NEURL1B: variants seen among roughly 807,000 people sequenced by gnomAD.
The protein encoded by NEURL1B is neuralized E3 ubiquitin protein ligase 1B, also known as E3 ubiquitin-protein ligase NEURL1B.
NEURL1B carries 13 observed loss-of-function variants against 37.4 expected under a neutral mutation model. The observed-to-expected ratio is 0.35, with a 90% confidence interval of 0.23 to 0.55. The LOEUF is 0.55. Ranked by LOEUF, NEURL1B falls within the 20% of genes least tolerant of loss-of-function variation. The probability of loss-of-function intolerance (pLI) is 0.89; values close to 1 mark genes in which losing one functional copy is unlikely to be tolerated. For synonymous variants in NEURL1B, 432 were observed against 426.6 expected, an observed-to-expected ratio of 1.01 and a Z score of -0.16; for missense variants, 790 against 879.2, an observed-to-expected ratio of 0.90 and a Z score of 1.28.
intron 3 of NEURL1B, among the ~76,000 whole-genome samples, chr5:172,684,962 G>T (rs1447797568): frequency 6.6e-6 from 1 of 152,228 alleles, no homozygotes; most frequent in African/African-American, 2.4e-5. Context: ...CAGCTCATAT[G>T]TTCCCTCATT....
intron 1 of NEURL1B, among the ~76,000 whole-genome samples, chr5:172,655,913 C>T (rs1056087587): frequency 3.3e-5 from 5 of 152,064 alleles, no homozygotes; most frequent in East Asian, 3.9e-4. Context: ...TATAAAGTTT[C>T]GGTGCCGCAA....
Position 172,683,620 on chromosome 5 carries a change from C to G in NEURL1B, c.779C>G (p.Pro260Arg), listed in dbSNP as rs1298957617. The G allele has an allele frequency of 1.7e-4, 211 of 1,214,098 alleles. No homozygotes were observed. The highest frequency in any genetic ancestry group is 2.1e-4 in the Non-Finnish European group (202 of 974,814). The allele number at this position is 1,214,098 out of a possible 1,614,324, so 75.2% of individuals were successfully genotyped here. A position where few individuals can be genotyped will look rare whatever the true frequency, so the allele number is the denominator to read the frequency against. ...GCCGACGCCGCGGCCGCCGCCATTC[C>G]GTGCGGGCCCCGTGAGCGCCCGCGG... ...PPADAAAAAI[P>R]CGPRERPRPA... Residue 260 changes from proline to arginine, a missense_variant, in exon 3 of 5, where the codon CCG becomes CGG. Coordinates refer to ENST00000369800, the MANE Select transcript of NEURL1B (RefSeq NM_001142651.3). The surrounding 1 kb of genome is among the most constrained non-coding windows in gnomAD (Gnocchi z 5.6).
At position 172,684,129 on chromosome 5, in the gene NEURL1B, C is replaced by T. The variant is rs942385195; in HGVS notation, c.1288C>T (p.Arg430Cys). The change falls in exon 3 of 5, where the codon CGT becomes TGT. Residue 430 changes from arginine (R) to cysteine (C), a missense_variant. This residue lies in a region of NEURL1B where 460 missense variants were observed against 407.4 expected (regional missense o/e 1.13). Coordinates refer to ENST00000369800, the MANE Select transcript of NEURL1B (RefSeq NM_001142651.3). ...GCGCGGCGGCGTCGCGGGCCAGCTGCGTCTCCTCGGTGAGTCCCCGGCCCC... is the reference window on the plus strand; with the variant it reads ...GCGCGGCGGCGTCGCGGGCCAGCTGTGTCTCCTCGGTGAGTCCCCGGCCCC... Reference protein sequence around the residue: ...AVRGGVAGQLRLLGTLQSSPA... With the variant: ...AVRGGVAGQLCLLGTLQSSPA... The T allele has an allele frequency of 7.4e-5, 92 of 1,251,400 alleles. No homozygotes were observed. The highest frequency in any genetic ancestry group is 8.8e-5 in the Non-Finnish European group (88 of 997,534). The allele number at this position is 1,251,400 out of a possible 1,614,324, so 77.5% of individuals were successfully genotyped here.
chr5:172,683,785 G>A lies in NEURL1B; in HGVS notation c.944G>A (p.Arg315His). 7.7e-7 allele frequency: 1 copy of A among 1,296,756 alleles called. No homozygotes were observed. The allele number at this position is 1,296,756 out of a possible 1,614,324, so 80.3% of individuals were successfully genotyped here. Residue 315 changes from arginine (R) to histidine (H), a missense_variant, in exon 3 of 5, where the codon CGC (arginine) becomes CAC (histidine). Coordinates refer to ENST00000369800, the MANE Select transcript of NEURL1B (RefSeq NM_001142651.3). This position sits in a 1 kb window ranked among gnomAD's most constrained non-coding sequence, Gnocchi z 5.6. ...DGGRTLVFSE[R>H]PLRPGESLFV... ...GGCCGCACGCTGGTCTTCTCCGAGC[G>A]CCCGCTGCGGCCCGGCGAGAGCCTC...
chr5:172,645,152 T>C (rs1461756446), intron 1 of NEURL1B, among the ~76,000 whole-genome samples: 1 of 152,160 alleles, frequency 6.6e-6, no homozygotes, highest in African/African-American at 2.4e-5. Context: ...ACCCACAGTA[T>C]CTATTTGAAA....
intron 1 of NEURL1B, among the ~76,000 whole-genome samples, chr5:172,642,749 G>T (rs1757489897): frequency 1.3e-5 from 2 of 152,214 alleles, no homozygotes; most frequent in South Asian, 4.1e-4. Context: ...GTAATCATCA[G>T]CAGAGTCACC....
intron 2 of NEURL1B, among the ~76,000 whole-genome samples, chr5:172,671,088 G>A (rs553911315): frequency 6.6e-6 from 1 of 152,178 alleles, no homozygotes; most frequent in Non-Finnish European, 1.5e-5. Flanking sequence ...CCATTTTAAA[G>A]TGTACAACTG....
chr5:172,652,505 T>C (rs1056602065), intron 1 of NEURL1B, among the ~76,000 whole-genome samples: 1 of 152,196 alleles, frequency 6.6e-6, no homozygotes, highest in Non-Finnish European at 1.5e-5. Context: ...GAATGTATGG[T>C]TTTTAGGAAA....
At chr5:172,651,443 A>C (rs1202956630) in intron 1 of NEURL1B, among the ~76,000 whole-genome samples, 1 of 152,332 alleles carries the variant, frequency 6.6e-6, no homozygotes, top group Admixed American at 6.5e-5. Flanking sequence ...GCCATCCTAT[A>C]AAGGGGTCAT....
chr5:172,680,848 T>C lies in NEURL1B; in HGVS notation c.578-2571T>C, dbSNP rs186249749. 2.2e-3 allele frequency among the ~76,000 whole-genome samples: 331 copies of C among 152,338 alleles called. 1 individual carries two copies. Among genetic ancestry groups the C allele is most frequent in the African/African-American group, 7.5e-3 (311 of 41,576 alleles). ...AAATATTAATTGAAAACTCAATTTT[T>C]AAAAATATTTTTTCCCATAAAAATT... On this transcript the variant is annotated intron_variant, in intron 2 of 4. Transcript: ENST00000369800.
intron 2 of NEURL1B, among the ~76,000 whole-genome samples, chr5:172,670,837 A>G (rs1288235838): frequency 6.6e-6 from 1 of 152,070 alleles, no homozygotes; most frequent in Non-Finnish European, 1.5e-5. Flanking sequence ...TCTAATCACA[A>G]ACACCCATGG....
intron 2 of NEURL1B, among the ~76,000 whole-genome samples, chr5:172,681,920 A>G (rs1195194034): frequency 6.6e-6 from 1 of 152,244 alleles, no homozygotes; most frequent in Non-Finnish European, 1.5e-5. Context: ...TGTTTGTATC[A>G]CTAAAAAACA....
At chr5:172,682,782 CTGGGTTCAACTCA>C (rs1203212135) in intron 2 of NEURL1B, among the ~76,000 whole-genome samples, 1 of 152,178 alleles carries the variant, frequency 6.6e-6, no homozygotes, top group African/African-American at 2.4e-5. Flanking sequence ...GCCAGACAGC[CTGGGTTCAACTCA>C]TGGGTTCAAG....
chr5:172,668,318 T>C (rs1758053471), intron 1 of NEURL1B, among the ~76,000 whole-genome samples: 1 of 152,200 alleles, frequency 6.6e-6, no homozygotes, highest in Non-Finnish European at 1.5e-5. Flanking sequence ...TTATGTTCCT[T>C]TCTAATGTGG....
rs1379156582 is a variant in NEURL1B at position 172,683,721 on chromosome 5, G to C, written c.880G>C (p.Ala294Pro). 1.1e-5 allele frequency: 15 copies of C among 1,356,946 alleles called. 1 individual carries two copies. The highest frequency in any genetic ancestry group is 1.9e-6 in the Non-Finnish European group (2 of 1,046,812). 84.1% of individuals were successfully genotyped at this position (1,356,946 alleles called of 1,614,324 possible). ...ATRGPDVSLS[A>P]DRKVACAPRP... ...ACGCGGGCCCGACGTGAGCCTGTCG[G>C]CCGACCGCAAAGTGGCCTGCGCACC... The change falls in exon 3 of 5, where the codon GCC (alanine) becomes CCC (proline). Residue 294 changes from alanine (A) to proline (P), a missense_variant. By Grantham distance (27) the Ala-to-Pro change is conservative. This residue lies in a region of NEURL1B where 460 missense variants were observed against 407.4 expected (regional missense o/e 1.13). Transcript: ENST00000369800. The surrounding 1 kb of genome is among the most constrained non-coding windows in gnomAD (Gnocchi z 5.6).
At chr5:172,649,345 CTTTTTTTTTTTTTTTT>C (rs70984904) in intron 1 of NEURL1B, among the ~76,000 whole-genome samples, 44 of 65,226 alleles carry the variant, frequency 6.7e-4, no homozygotes, top group East Asian at 2.3e-3. Flanking sequence ...CCCTTCACTT[CTTTTTTTTTTTTTTTT>C]TTTTTTTTTT....
At chr5:172,662,829 C>CA (rs1340007329) in intron 1 of NEURL1B, among the ~76,000 whole-genome samples, 2 of 152,092 alleles carry the variant, frequency 1.3e-5, no homozygotes, top group African/African-American at 4.8e-5. Flanking sequence ...ACCCACCCTC[C>CA]AAATCTCTGC....
chr5:172,644,189 G>A (rs932719535), intron 1 of NEURL1B, among the ~76,000 whole-genome samples: 1 of 152,152 alleles, frequency 6.6e-6, no homozygotes, highest in African/African-American at 2.4e-5. Context: ...CAGTAAGTAC[G>A]TGTTGGATGG....
chr5:172,648,892 C>T lies in NEURL1B; in HGVS notation c.31+7455C>T, dbSNP rs149753614. Among the ~76,000 whole-genome samples, 25 of 152,244 alleles carry T rather than the reference C, an allele frequency of 1.6e-4. 1 individual carries two copies. The East Asian group carries it at 4.8e-3, about 29-fold the overall frequency. Reference sequence around the variant, plus strand: ...GTGTGCAGATCTCCAACTCCCTGCCCAGGCAGGTCAGGGGAGAGCTGATGC... The same window carrying T: ...GTGTGCAGATCTCCAACTCCCTGCCTAGGCAGGTCAGGGGAGAGCTGATGC... On this transcript the variant is annotated intron_variant, in intron 1 of 4. Coordinates refer to ENST00000369800, the MANE Select transcript of NEURL1B (RefSeq NM_001142651.3).
Sources: allele counts gnomAD v4.1 joint callset (sites outside exome capture counted in the v4.1 genomes callset), GRCh38; gene constraint gnomAD v4.1.1; regional missense constraint gnomAD v4.1.1; non-coding constraint Gnocchi (gnomAD v3.1); transcripts MANE v1.5; gene names NCBI Gene and HGNC (gene_info 2026-07-23, HGNC 2026-07-21).